NKAIN3: variants seen among roughly 807,000 people sequenced by gnomAD.
NKAIN3 encodes the protein sodium/potassium transporting ATPase interacting 3, also known as sodium/potassium-transporting ATPase subunit beta-1-interacting protein 3.
Under a neutral mutation model 30.2 loss-of-function variants are expected in NKAIN3, and 25 were observed. That is an observed-to-expected ratio of 0.83 (90% CI 0.60 to 1.16). The LOEUF (loss-of-function observed/expected upper bound fraction) is 1.16. Ranked by LOEUF, NKAIN3 falls within the 50% of genes most tolerant of loss-of-function variation. The pLI is 0.00. For synonymous variants in NKAIN3, 91 were observed against 89.6 expected, an observed-to-expected ratio of 1.02 and a Z score of -0.09; for missense variants, 225 against 254.1, an observed-to-expected ratio of 0.89 and a Z score of 0.78.
At chr8:62,297,748 T>C (rs1315186158) in intron 1 of NKAIN3, among the ~76,000 whole-genome samples, 1 of 152,138 alleles carries the variant, frequency 6.6e-6, no homozygotes, top group African/African-American at 2.4e-5. Flanking sequence ...GTTCAACCAT[T>C]GTGGAAGTCA....
At chr8:62,353,287 G>A (rs1194654632) in intron 1 of NKAIN3, among the ~76,000 whole-genome samples, 1 of 152,222 alleles carries the variant, frequency 6.6e-6, no homozygotes, top group Non-Finnish European at 1.5e-5. Context: ...TACATTCTTA[G>A]TAAGAAATGT....
chr8:62,745,721 AGTT>A (rs1433358131), intron 3 of NKAIN3, among the ~76,000 whole-genome samples: 1 of 152,168 alleles, frequency 6.6e-6, no homozygotes, highest in Non-Finnish European at 1.5e-5. Context: ...TATACATAAA[AGTT>A]AAGGTTTGTC....
intron 3 of NKAIN3, among the ~76,000 whole-genome samples, chr8:62,662,933 C>A (rs1226040007): frequency 2.0e-5 from 3 of 152,164 alleles, no homozygotes; most frequent in African/African-American, 7.2e-5. Context: ...GAAGAAAGAA[C>A]AATTCATTCT....
chr8:62,470,405 G>C (rs1806292251), intron 1 of NKAIN3, among the ~76,000 whole-genome samples: 1 of 152,130 alleles, frequency 6.6e-6, no homozygotes, highest in Non-Finnish European at 1.5e-5. Context: ...AATTTCTTTG[G>C]AATGAATGAC....
At position 62,912,874 on chromosome 8, in the gene NKAIN3, A is replaced by G. The variant is rs764976357; in HGVS notation, c.472-5579A>G. On this transcript the variant is annotated intron_variant, in intron 4 of 6. Transcript: ENST00000623646. ...TGGTGAGCTGAGATTGCACTATTGC[A>G]CTCCAGCCTGGGCAACAAGAGCAAA... 1.2e-3 allele frequency among the ~76,000 whole-genome samples: 187 copies of G among 152,114 alleles called. No individual in the cohort carries two copies. The Middle Eastern group carries it at 0.017, about 14-fold the overall frequency.
chr8:62,814,102 A>G (rs537745281), intron 4 of NKAIN3, among the ~76,000 whole-genome samples: 1 of 151,970 alleles, frequency 6.6e-6, no homozygotes, highest in African/African-American at 2.4e-5. Flanking sequence ...TAGTTTGACT[A>G]TATTGTGATT....
chr8:62,401,168 T>C (rs1280290096), intron 1 of NKAIN3, among the ~76,000 whole-genome samples: 1 of 152,088 alleles, frequency 6.6e-6, no homozygotes, highest in African/African-American at 2.4e-5. Flanking sequence ...ACATAGCCTC[T>C]CTTCAAATTC....
At chr8:62,509,553 A>T (rs907500794) in intron 1 of NKAIN3, among the ~76,000 whole-genome samples, 1 of 152,052 alleles carries the variant, frequency 6.6e-6, no homozygotes, top group Non-Finnish European at 1.5e-5. Context: ...TTTCATTCTT[A>T]TCTCTAACCA....
At chr8:62,434,678 T>C (rs1183976090) in intron 1 of NKAIN3, among the ~76,000 whole-genome samples, 1 of 152,172 alleles carries the variant, frequency 6.6e-6, no homozygotes, top group Non-Finnish European at 1.5e-5. Flanking sequence ...CTAAAGGAGA[T>C]GCCACTGTAT....
chr8:62,502,096 G>T (rs1469389425), intron 1 of NKAIN3, among the ~76,000 whole-genome samples: 1 of 152,154 alleles, frequency 6.6e-6, no homozygotes, highest in African/African-American at 2.4e-5. Flanking sequence ...CTCATCCCTT[G>T]CACTGTTGCT....
At chr8:62,930,403 G>A (rs1247366172) in intron 5 of NKAIN3, among the ~76,000 whole-genome samples, 1 of 151,956 alleles carries the variant, frequency 6.6e-6, no homozygotes, top group Non-Finnish European at 1.5e-5. Context: ...ACAGGCGCCT[G>A]ACACCATGCC....
At position 62,975,515 on chromosome 8, in the gene NKAIN3, T is replaced by G. The variant is rs1485188576; in HGVS notation, c.*10108T>G. On this transcript the variant is annotated 3_prime_UTR_variant, in exon 7 of 7. Transcript: ENST00000623646. ...CTGTGGGATTAGTGGTGATCTCCAC[T>G]TTATCACTTTTTATTGTGTCTATTT... is the stretch of plus-strand genomic sequence containing the variant. Among the ~76,000 whole-genome samples, 1 of 152,132 alleles carries G rather than the reference T, an allele frequency of 6.6e-6. No individual in the cohort carries two copies. Among genetic ancestry groups the G allele is most frequent in the Non-Finnish European group, 1.5e-5 (1 of 68,038 alleles).
intron 1 of NKAIN3, among the ~76,000 whole-genome samples, chr8:62,272,466 G>A (rs1370133334): frequency 3.3e-5 from 5 of 152,148 alleles, no homozygotes; most frequent in Admixed American, 1.3e-4. Flanking sequence ...TGGGTTCTCC[G>A]ACAGGAAGGC....
chr8:62,768,229 G>C (rs908448636), intron 4 of NKAIN3, among the ~76,000 whole-genome samples: 1 of 152,138 alleles, frequency 6.6e-6, no homozygotes, highest in African/African-American at 2.4e-5. Context: ...GTGTATCACA[G>C]AGTATCTACT....
intron 1 of NKAIN3, among the ~76,000 whole-genome samples, chr8:62,464,229 C>A (rs1806085760): frequency 6.6e-6 from 1 of 152,126 alleles, no homozygotes; most frequent in African/African-American, 2.4e-5. Context: ...TAAGGTTTCT[C>A]TAAAAATCAA....
chr8:62,830,680 C>A (rs181320749), intron 4 of NKAIN3, among the ~76,000 whole-genome samples: 55 of 152,312 alleles, frequency 3.6e-4, no homozygotes, highest in African/African-American at 1.3e-3. Context: ...CAATCAGCAG[C>A]CTGAGCTGCC....
rs10110510 is a variant in NKAIN3 at position 62,857,138 on chromosome 8, C to A, written c.472-61315C>A. On this transcript the variant is annotated intron_variant, in intron 4 of 6. Coordinates refer to ENST00000623646, the MANE Select transcript of NKAIN3 (RefSeq NM_001304533.3). ...AAGTGACCAACTTGGACCAGAAATT[C>A]TTTCCTTTAAGAATGTTGAATATAG... 4.2e-3 allele frequency: 1,530 copies of A among 362,370 alleles called. 26 individuals are homozygous for A. The highest frequency in any genetic ancestry group is 0.031 in the African/African-American group (1,454 of 46,718). The allele number at this position is 362,370 out of a possible 1,614,324, so 22.4% of individuals were successfully genotyped here. A position where few individuals can be genotyped will look rare whatever the true frequency, so the allele number is the denominator to read the frequency against.
chr8:62,534,545 G>T (rs371167297), intron 1 of NKAIN3, among the ~76,000 whole-genome samples: 1 of 152,068 alleles, frequency 6.6e-6, no homozygotes, highest in African/African-American at 2.4e-5. Flanking sequence ...ACTGTAAAAC[G>T]CATCAGCTGT....
intron 1 of NKAIN3, among the ~76,000 whole-genome samples, chr8:62,442,954 G>A (rs1805372952): frequency 6.6e-6 from 1 of 151,756 alleles, no homozygotes; most frequent in Non-Finnish European, 1.5e-5. Flanking sequence ...TAATATGTAT[G>A]ATATTGATGT....
Sources: gnomAD v4.1 joint callset for allele counts (sites outside exome capture counted in the v4.1 genomes callset) on GRCh38, gnomAD v4.1.1 for gene constraint, MANE v1.5 for transcripts, NCBI Gene and HGNC (gene_info 2026-07-23, HGNC 2026-07-21) for gene names.